The following RALYL variants were observed in gnomAD, a reference collection of about 807,000 sequenced individuals.
The protein encoded by RALYL is RALY RNA binding protein like.
In RALYL, 29 loss-of-function variants were observed where a neutral mutation model predicts 35.1. That is an observed-to-expected ratio of 0.83 (90% confidence interval 0.61 to 1.13). The LOEUF (loss-of-function observed/expected upper bound fraction) is 1.13, where lower values mean the gene tolerates loss of function less well. Ranked by LOEUF, RALYL falls within the 50% of genes most tolerant of loss-of-function variation. The pLI is 0.00. For missense variants in RALYL, 359 were observed against 360.4 expected, an observed-to-expected ratio of 1.00 and a Z score of 0.03; for synonymous variants, 120 against 127.6, an observed-to-expected ratio of 0.94 and a Z score of 0.40.
At chr8:84,654,846 G>C (rs1367733654) in intron 2 of RALYL, among the ~76,000 whole-genome samples, 10 of 152,024 alleles carry the variant, frequency 6.6e-5, no homozygotes, top group Non-Finnish European at 4.4e-5. Flanking sequence ...GGGCTCTTCA[G>C]CTGCTTCCAA....
intron 2 of RALYL, among the ~76,000 whole-genome samples, chr8:84,536,572 A>G (rs1248286527): frequency 6.6e-6 from 1 of 152,218 alleles, no homozygotes; most frequent in Non-Finnish European, 1.5e-5. Flanking sequence ...AAAGTAGTCT[A>G]TCACAGAACC....
At chr8:84,668,653 C>T (rs1832568108) in intron 2 of RALYL, among the ~76,000 whole-genome samples, 1 of 152,024 alleles carries the variant, frequency 6.6e-6, no homozygotes, top group Non-Finnish European at 1.5e-5. Context: ...TATTATGAGA[C>T]ACTGTACAAA....
chr8:84,203,895 C>G (rs1026185028), intron 1 of RALYL, among the ~76,000 whole-genome samples: 1 of 152,010 alleles, frequency 6.6e-6, no homozygotes, highest in Non-Finnish European at 1.5e-5. Context: ...TCAATGGACT[C>G]AAAATATCCA....
At chr8:84,520,863 A>T (rs888870156) in intron 1 of RALYL, among the ~76,000 whole-genome samples, 2 of 152,200 alleles carry the variant, frequency 1.3e-5, no homozygotes, top group Admixed American at 6.5e-5. Flanking sequence ...ATTGTCTTCC[A>T]TGAAATCAGT....
Position 84,824,262 on chromosome 8 carries a change from C to CAAA in RALYL, c.365+19469_365+19471dup, listed in dbSNP as rs34410756. 3.5e-3 allele frequency among the ~76,000 whole-genome samples: 518 copies of CAAA among 147,988 alleles called. 2 individuals are homozygous for CAAA. The highest frequency in any genetic ancestry group is 5.5e-3 in the Non-Finnish European group (367 of 67,010). ...AATGTAATCCCATTTACAATAGCTG[C>CAAA]AAAAAAAAAAATAAGTCAGTAAACA... is the stretch of plus-strand genomic sequence containing the variant. On this transcript the variant is annotated intron_variant, in intron 4 of 8. Transcript: ENST00000521268.
At chr8:84,266,199 T>C (rs759206008) in intron 1 of RALYL, among the ~76,000 whole-genome samples, 16 of 152,058 alleles carry the variant, frequency 1.1e-4, no homozygotes, top group Non-Finnish European at 1.6e-4. Flanking sequence ...ATATACCTCT[T>C]GGTTTTTTGC....
intron 2 of RALYL, among the ~76,000 whole-genome samples, chr8:84,589,297 G>A (rs1812706254): frequency 6.6e-6 from 1 of 152,176 alleles, no homozygotes; most frequent in Admixed American, 6.5e-5. Context: ...TTAAACATAT[G>A]GATAGGAGAA....
intron 1 of RALYL, among the ~76,000 whole-genome samples, chr8:84,499,890 G>A (rs148801913): frequency 0.016 from 2,407 of 152,134 alleles, 34 homozygotes; most frequent in Middle Eastern, 0.065. Flanking sequence ...GATTAGCTGA[G>A]ACTGCAGGTG....
At chr8:84,662,186 G>C (rs1278163490) in intron 2 of RALYL, among the ~76,000 whole-genome samples, 3 of 151,792 alleles carry the variant, frequency 2.0e-5, no homozygotes, top group African/African-American at 7.3e-5. Context: ...GGACTCTTAC[G>C]GCTCTCAGGA....
chr8:84,331,194 T>C (rs1383895116), intron 1 of RALYL, among the ~76,000 whole-genome samples: 1 of 152,150 alleles, frequency 6.6e-6, no homozygotes. Context: ...CTTATGTCAG[T>C]AGTCTATCAG....
At chr8:84,511,834 T>C (rs2057649655) in intron 1 of RALYL, among the ~76,000 whole-genome samples, 1 of 152,210 alleles carries the variant, frequency 6.6e-6, no homozygotes, top group Admixed American at 6.5e-5. Context: ...CTTAACATAA[T>C]GACCTCTAGC....
chr8:84,565,101 T>C (rs1281305920), intron 2 of RALYL, among the ~76,000 whole-genome samples: 9 of 151,600 alleles, frequency 5.9e-5, no homozygotes, highest in African/African-American at 2.2e-4. Context: ...ATTTGTTTTA[T>C]CCACCTTCTG....
At chr8:84,293,981 T>A (rs970759981) in intron 1 of RALYL, among the ~76,000 whole-genome samples, 1 of 152,178 alleles carries the variant, frequency 6.6e-6, no homozygotes, top group African/African-American at 2.4e-5. Context: ...TTCTGAGTAA[T>A]CATCCACCCT....
At chr8:84,414,308 C>T (rs1202709708) in intron 1 of RALYL, among the ~76,000 whole-genome samples, 1 of 152,116 alleles carries the variant, frequency 6.6e-6, no homozygotes, top group East Asian at 1.9e-4. Context: ...TGTCATTCTT[C>T]ATTTTATCCA....
chr8:84,456,733 A>G (rs1347655125), intron 1 of RALYL, among the ~76,000 whole-genome samples: 2 of 152,066 alleles, frequency 1.3e-5, no homozygotes, highest in Non-Finnish European at 2.9e-5. Context: ...AGCATATTAT[A>G]TATTGTGTTT....
chr8:84,315,111 G>C (rs1449959364), intron 1 of RALYL, among the ~76,000 whole-genome samples: 1 of 152,130 alleles, frequency 6.6e-6, no homozygotes, highest in African/African-American at 2.4e-5. Flanking sequence ...AATATTATTT[G>C]TGATAACAAA....
chr8:84,257,854 C>T lies in RALYL; in HGVS notation c.-24+73430C>T, dbSNP rs1831488895. Among the ~76,000 whole-genome samples, 4 of 152,028 alleles carry T rather than the reference C, an allele frequency of 2.6e-5. No individual in the cohort carries two copies. In the South Asian group the frequency reaches 8.3e-4, roughly 32 times the overall value. ...TTTGTGGATATTTAAAACTTATTTG[C>T]TATTTAAAGAACAAATTATTTTGTG... On this transcript the variant is annotated intron_variant, in intron 1 of 8. Coordinates refer to ENST00000521268, the MANE Select transcript of RALYL (RefSeq NM_173848.7).
chr8:84,556,516 A>C lies in RALYL; in HGVS notation c.256+26939A>C, dbSNP rs183632892. On this transcript the variant is annotated intron_variant, in intron 2 of 8. Coordinates refer to ENST00000521268, the MANE Select transcript of RALYL (RefSeq NM_173848.7). ...TGTAAAAGACAAAAAAAAATAAAAT[A>C]AAACAAAAACACATCTTTATTATTT... Among the ~76,000 whole-genome samples, 70 of 152,324 alleles carry C rather than the reference A, an allele frequency of 4.6e-4. 2 individuals carry two copies. The East Asian group carries it at 7.1e-3, about 16-fold the overall frequency.
chr8:84,615,961 T>C (rs1819504181), intron 2 of RALYL, among the ~76,000 whole-genome samples: 2 of 28,040 alleles, frequency 7.1e-5, no homozygotes, highest in Admixed American at 4.7e-4. Context: ...TTCCATGGTG[T>C]ATATGTGCCA....
Sources: gnomAD v4.1 joint callset for allele counts (sites outside exome capture counted in the v4.1 genomes callset) on GRCh38, gnomAD v4.1.1 for gene constraint, MANE v1.5 for transcripts, NCBI Gene and HGNC (gene_info 2026-07-23, HGNC 2026-07-21) for gene names.